PCDH11X: variants seen among roughly 807,000 people sequenced by gnomAD.
The protein encoded by PCDH11X is protocadherin 11 X-linked.
In PCDH11X, 18 loss-of-function variants were observed where a neutral mutation model predicts 53.3. The ratio of observed to expected loss-of-function variants is 0.34; its 90% CI spans 0.23 to 0.50. The LOEUF is 0.50. Ranked by LOEUF, PCDH11X falls within the 20% of genes least tolerant of loss-of-function variation. The probability of loss-of-function intolerance (pLI) is 0.98; values close to 1 mark genes in which losing one functional copy is unlikely to be tolerated. For missense variants in PCDH11X, 570 were observed against 1,032.4 expected, an observed-to-expected ratio of 0.55 and a Z score of 6.14; for synonymous variants, 279 against 393.3, an observed-to-expected ratio of 0.71 and a Z score of 3.44.
At chrX:92,475,962 A>C (rs1476474946) in intron 10 of PCDH11X, among the ~76,000 whole-genome samples, 1 of 111,336 alleles carries the variant, frequency 9.0e-6, no homozygotes, top group Non-Finnish European at 1.9e-5. Flanking sequence ...CTGTTATTAA[A>C]AGACTGATAT....
intron 10 of PCDH11X, among the ~76,000 whole-genome samples, chrX:92,487,657 A>G (rs2073674052): frequency 9.0e-6 from 1 of 111,196 alleles, no homozygotes; most frequent in Non-Finnish European, 1.9e-5. Flanking sequence ...GTATACTGCA[A>G]TCTGATTCCG....
At chrX:92,564,116 G>A (rs1433223815) in intron 10 of PCDH11X, among the ~76,000 whole-genome samples, 1 of 110,785 alleles carries the variant, frequency 9.0e-6, no homozygotes, top group African/African-American at 3.3e-5. Flanking sequence ...AGTAACTGAA[G>A]AGGACACCAA....
At chrX:92,470,429 T>A (rs1041049980) in intron 10 of PCDH11X, among the ~76,000 whole-genome samples, 2 of 102,047 alleles carry the variant, frequency 2.0e-5, no homozygotes, top group African/African-American at 7.1e-5. Context: ...TCAACTTGGA[T>A]GCCCTTTATT....
rs868211030 is a variant in PCDH11X at position 92,142,376 on chromosome X, A to G, written c.3034-58999A>G. 9.6e-3 allele frequency among the ~76,000 whole-genome samples: 1,020 copies of G among 106,022 alleles called. 8 individuals carry two copies. The highest frequency in any genetic ancestry group is 0.033 in the African/African-American group (951 of 28,937). 92.1% of individuals were successfully genotyped at this position (106,022 alleles called of 115,157 possible). A position where few individuals can be genotyped will look rare whatever the true frequency, so the allele number is the denominator to read the frequency against. On this transcript the variant is annotated intron_variant, in intron 6 of 10. Coordinates refer to ENST00000682573, the MANE Select transcript of PCDH11X (RefSeq NM_032968.5). Reference sequence around the variant, plus strand: ...TCCATGCATGTGCGCGCGCGCACACACACACACACACACACACACACACAT... The same window carrying G: ...TCCATGCATGTGCGCGCGCGCACACGCACACACACACACACACACACACAT...
rs768042306 is a variant in PCDH11X, at chrX:92,558,433, ACT to A, written c.3368-59826_3368-59825del. ...AAAGAATATATCAAATAATGTTTAAACTCTCTGAAAATATGGAGTTCATTGGG... is the reference window on the plus strand; with the variant it reads ...AAAGAATATATCAAATAATGTTTAAACTCTGAAAATATGGAGTTCATTGGG... On this transcript the variant is annotated intron_variant, in intron 10 of 10. Transcript: ENST00000682573. 2.1e-3 allele frequency among the ~76,000 whole-genome samples: 234 copies of A among 111,611 alleles called. 1 individual carries two copies. Among genetic ancestry groups the A allele is most frequent in the African/African-American group, 7.4e-3 (228 of 30,757 alleles).
intron 7 of PCDH11X, among the ~76,000 whole-genome samples, chrX:92,218,750 AG>A (rs1366928648): frequency 8.9e-6 from 1 of 111,893 alleles, no homozygotes; most frequent in Admixed American, 9.5e-5. Context: ...ACCAAAAAAA[AG>A]AATTTTAGAC....
chrX:92,013,530 T>G (rs1414956630), intron 6 of PCDH11X, among the ~76,000 whole-genome samples: 2 of 111,608 alleles, frequency 1.8e-5, no homozygotes, highest in Non-Finnish European at 3.8e-5. Flanking sequence ...TGGAAAAAAC[T>G]ACTTTAAAGT....
chrX:92,119,817 A>T (rs775538530), intron 6 of PCDH11X, among the ~76,000 whole-genome samples: 1 of 111,772 alleles, frequency 8.9e-6, no homozygotes, highest in South Asian at 3.7e-4. Context: ...TTTTTATTTT[A>T]CACATTTAAT....
At chrX:92,065,227 C>T (rs1475382295) in intron 6 of PCDH11X, among the ~76,000 whole-genome samples, 1 of 104,428 alleles carries the variant, frequency 9.6e-6, no homozygotes, top group African/African-American at 3.7e-5. Context: ...TCACATTTTC[C>T]TTATTCATTC....
chrX:92,290,450 C>G (rs1212894118), intron 8 of PCDH11X, among the ~76,000 whole-genome samples: 2 of 111,953 alleles, frequency 1.8e-5, no homozygotes, highest in Non-Finnish European at 3.8e-5. Context: ...CACATCATGC[C>G]ATCATTTCAG....
At chrX:92,403,339 G>GTTTTTTTTTTT (rs1191277649) in intron 9 of PCDH11X, among the ~76,000 whole-genome samples, 798 of 49,121 alleles carry the variant, frequency 0.016, 1 homozygote, top group African/African-American at 0.024. Context: ...GTTTTTTTTT[G>GTTTTTTTTTTT]TTTTTTTTTT....
chrX:92,531,276 G>T (rs748542500), intron 10 of PCDH11X, among the ~76,000 whole-genome samples: 1 of 111,453 alleles, frequency 9.0e-6, no homozygotes, highest in East Asian at 2.8e-4. Flanking sequence ...AAAATTGCCA[G>T]AGACTCCTTT....
At chrX:92,024,718 C>CAAAAAAAA (rs199917287) in intron 6 of PCDH11X, among the ~76,000 whole-genome samples, 7 of 54,657 alleles carry the variant, frequency 1.3e-4, no homozygotes, top group Non-Finnish European at 2.7e-4. Flanking sequence ...CAATCCTAAG[C>CAAAAAAAA]AAAAAAAAAA....
At chrX:92,259,141 C>T in intron 7 of PCDH11X, among the ~76,000 whole-genome samples, 1 of 110,962 alleles carries the variant, frequency 9.0e-6, no homozygotes, top group East Asian at 2.9e-4. Context: ...ATCTTCCTTT[C>T]TTCTGCTGAG....
intron 9 of PCDH11X, among the ~76,000 whole-genome samples, chrX:92,425,401 G>A (rs2072084216): frequency 9.4e-6 from 1 of 106,558 alleles, no homozygotes; most frequent in Non-Finnish European, 1.9e-5. Flanking sequence ...TGATATGTGT[G>A]TATCCTTCTT....
intron 9 of PCDH11X, among the ~76,000 whole-genome samples, chrX:92,458,006 A>G (rs187290131): frequency 9.0e-6 from 1 of 110,604 alleles, no homozygotes; most frequent in East Asian, 2.8e-4. Flanking sequence ...AATGTAAATA[A>G]TATAGTATTA....
chrX:92,003,322 A>C (rs1005734851), intron 6 of PCDH11X, among the ~76,000 whole-genome samples: 7 of 106,133 alleles, frequency 6.6e-5, no homozygotes, highest in African/African-American at 2.1e-4. Context: ...TACTCATCAG[A>C]GATATTGGCC....
At chrX:91,929,985 C>T (rs759032630) in intron 6 of PCDH11X, among the ~76,000 whole-genome samples, 1 of 110,481 alleles carries the variant, frequency 9.1e-6, no homozygotes, top group South Asian at 3.8e-4. Flanking sequence ...TGACAGAAAG[C>T]AAATCGAAAT....
chrX:91,844,214 T>G, intron 5 of PCDH11X, among the ~76,000 whole-genome samples: 1 of 111,653 alleles, frequency 9.0e-6, no homozygotes, highest in Non-Finnish European at 1.9e-5. Flanking sequence ...ACATGTTTTA[T>G]GTATGTATAC....
Sources: gnomAD v4.1 joint callset for allele counts (sites outside exome capture counted in the v4.1 genomes callset) on GRCh38, gnomAD v4.1.1 for gene constraint, MANE v1.5 for transcripts, NCBI Gene and HGNC (gene_info 2026-07-23, HGNC 2026-07-21) for gene names.